NBEAL1: variants seen among roughly 807,000 people sequenced by gnomAD.
NBEAL1 encodes neurobeachin like 1, also known as neurobeachin-like protein 1.
In NBEAL1, 273 loss-of-function variants were observed where a neutral mutation model predicts 351.3. That is an observed-to-expected ratio of 0.78 (90% CI 0.70 to 0.86). The LOEUF is 0.86. Among genes scored for constraint, NBEAL1 ranks in the 40% least tolerant of loss-of-function variants. The pLI is 0.00. For synonymous variants in NBEAL1, 1,050 were observed against 1,086.4 expected (o/e 0.97, Z 0.66); for missense variants, 2,961 against 3,201.3 (o/e 0.92, Z 1.81).
Position 203,144,900 on chromosome 2 carries a change from A to G in NBEAL1, c.5149A>G (p.Lys1717Glu). 6.3e-7 allele frequency: 1 copy of G among 1,581,952 alleles called. No individual in the cohort carries two copies. The highest frequency in any genetic ancestry group is 1.2e-5 in the South Asian group (1 of 84,708). ...AAATGAATGGCAAGTTTACATTGAA[A>G]AATATGTAAGTTTTATCTTTTTTGA... ...NSNEWQVYIE[K>E]YIVPYMKQYE... The change falls in exon 32 of 56, where the codon AAA (lysine) becomes GAA (glutamate). Residue 1717 changes from lysine (K) to glutamate (E), a missense_variant. By Grantham distance (56) the Lys-to-Glu change is moderately conservative. Transcript: ENST00000683969.
chr2:203,141,366 ATTTTTTTTTT>A (rs71034219), intron 31 of NBEAL1, among the ~76,000 whole-genome samples: 13 of 9,108 alleles, frequency 1.4e-3, no homozygotes, highest in South Asian at 0.011. Context: ...TATTATTATT[ATTTTTTTTTT>A]TTTTTTTTTT....
chr2:203,114,747 T>G (rs1189813982), intron 17 of NBEAL1, among the ~76,000 whole-genome samples: 1 of 152,000 alleles, frequency 6.6e-6, no homozygotes, highest in Non-Finnish European at 1.5e-5. Context: ...TTTTCTTTGT[T>G]TTTTTTTGTT....
chr2:203,086,831 G>A (rs975473371), intron 10 of NBEAL1, among the ~76,000 whole-genome samples: 2 of 152,092 alleles, frequency 1.3e-5, no homozygotes, highest in African/African-American at 2.4e-5. Flanking sequence ...CACCGTGCCC[G>A]GCCTGCTTTT....
At chr2:203,203,377 G>A (rs1865316) in intron 51 of NBEAL1, among the ~76,000 whole-genome samples, 286 of 151,910 alleles carry the variant, frequency 1.9e-3, no homozygotes, top group Non-Finnish European at 3.2e-3. Flanking sequence ...GTTTCGCCAT[G>A]TTGGCCAGGC....
chr2:203,099,502 C>T (rs746797804), intron 11 of NBEAL1, 127 bp from the exon 12 acceptor site: 5 of 569,720 alleles, frequency 8.8e-6, no homozygotes, highest in Non-Finnish European at 1.5e-5. Context: ...AAATCCATTT[C>T]ATCAGAAGAG....
At chr2:203,183,198 A>G (rs138925067) in intron 43 of NBEAL1, 81 bp from the exon 44 acceptor site, 2 of 686,630 alleles carry the variant, frequency 2.9e-6, no homozygotes, top group African/African-American at 1.8e-5. Context: ...TTGCTTAGGA[A>G]TGTGCCCTCA....
chr2:203,086,091 A>G (rs1258711681), intron 10 of NBEAL1: 1 of 152,174 alleles, frequency 6.6e-6, no homozygotes, highest in Admixed American at 6.5e-5. Context: ...AGAAACCTTA[A>G]TATGTTTGTA....
intron 7 of NBEAL1, among the ~76,000 whole-genome samples, chr2:203,070,483 C>T (rs1174882375): frequency 6.6e-6 from 1 of 151,668 alleles, no homozygotes; most frequent in Non-Finnish European, 1.5e-5. Flanking sequence ...CTTGCCTCAG[C>T]CTCCTGAGTA....
intron 25 of NBEAL1, among the ~76,000 whole-genome samples, chr2:203,131,564 C>T (rs186083872): frequency 1.2e-4 from 18 of 152,182 alleles, no homozygotes; most frequent in Admixed American, 1.0e-3. Flanking sequence ...TAGGGAGTGC[C>T]TATTCTTTTA....
intron 10 of NBEAL1, among the ~76,000 whole-genome samples, chr2:203,096,212 C>T (rs1487696476): frequency 2.0e-5 from 3 of 152,220 alleles, no homozygotes; most frequent in Non-Finnish European, 4.4e-5. Context: ...TGAAATCAGA[C>T]AGCCAGTAAG....
chr2:203,205,027 ATAAGG>A (rs1230647113), intron 51 of NBEAL1, among the ~76,000 whole-genome samples: 1 of 152,158 alleles, frequency 6.6e-6, no homozygotes, highest in Non-Finnish European at 1.5e-5. Flanking sequence ...AGCTAATACA[ATAAGG>A]TAAGCAAAAT....
At chr2:203,201,231 G>A (rs2105812012) in intron 49 of NBEAL1, among the ~76,000 whole-genome samples, 1 of 152,210 alleles carries the variant, frequency 6.6e-6, no homozygotes, top group South Asian at 2.1e-4. Context: ...TAAACTTTAA[G>A]GCTGTCATTT....
At chr2:203,187,067 G>T (rs1470289637) in intron 44 of NBEAL1, among the ~76,000 whole-genome samples, 1 of 152,172 alleles carries the variant, frequency 6.6e-6, no homozygotes, top group African/African-American at 2.4e-5. Context: ...CATTTTGAGA[G>T]TCTTTGCCCT....
In NBEAL1 at chr2:203,211,026, A is replaced by G. The variant is rs769328644; in HGVS notation, c.7854A>G (p.Gln2618=). 5.6e-6 allele frequency: 9 copies of G among 1,607,038 alleles called. No individual in the cohort carries two copies. The Admixed American group carries it at 1.5e-4, about 27-fold the overall frequency. ...TAGGGTCTCAAATCCTGAAGGAACA[A>G]GTATCAGATATATGTATAATCGGAG... The part of the protein sequence containing the change: ...KYLGSQILKE[Q]VSDICIIGEH... Residue 2618 remains glutamine (Q), a synonymous_variant, in exon 54 of 56, where the codon CAA becomes CAG. Transcript: ENST00000683969.
intron 46 of NBEAL1, among the ~76,000 whole-genome samples, chr2:203,193,269 G>C (rs1575112493): frequency 6.6e-6 from 1 of 152,014 alleles, no homozygotes; most frequent in Non-Finnish European, 1.5e-5. Flanking sequence ...AGCACGCCCA[G>C]CCAGTGTTGA....
rs868818385 is a variant in NBEAL1, at chr2:203,222,454, T to C, written c.*5100T>C. On this transcript the variant is annotated 3_prime_UTR_variant, in exon 56 of 56. Coordinates refer to ENST00000683969, the MANE Select transcript of NBEAL1 (RefSeq NM_001378026.1). ...TCCAATATTCAGACTTATTTGAAAATAGGCTTAATCATTATCCTGAGGGAC... is the reference window on the plus strand; with the variant it reads ...TCCAATATTCAGACTTATTTGAAAACAGGCTTAATCATTATCCTGAGGGAC... Among the ~76,000 whole-genome samples, 3 of 152,216 alleles carry C rather than the reference T, an allele frequency of 2.0e-5. No homozygotes were observed. The highest frequency in any genetic ancestry group is 4.4e-5 in the Non-Finnish European group (3 of 68,028).
At chr2:203,213,878 A>G in intron 55 of NBEAL1, 1 of 683,024 alleles carries the variant, frequency 1.5e-6, no homozygotes, top group South Asian at 6.6e-5. Flanking sequence ...ACCACTCTAT[A>G]GGAATAAGAC....
In NBEAL1 at chr2:203,030,180, A is replaced by G. The variant is rs527637865; in HGVS notation, c.52-11585A>G. On this transcript the variant is annotated intron_variant, in intron 2 of 55. Coordinates refer to ENST00000683969, the MANE Select transcript of NBEAL1 (RefSeq NM_001378026.1). ...GGTAATAAGGTAGACTAGGTTGTTT[A>G]GACTTATCCTTCTGAAAATTACTAG... Among the ~76,000 whole-genome samples the G allele has an allele frequency of 2.0e-5, 3 of 152,366 alleles. No homozygotes were observed. The South Asian group carries it at 6.2e-4, about 32-fold the overall frequency.
At chr2:203,040,780 G>A in intron 2 of NBEAL1, 1 of 543,784 alleles carries the variant, frequency 1.8e-6, no homozygotes, top group Non-Finnish European at 3.5e-6. Flanking sequence ...GCAGTAGTGT[G>A]ATCTTGGCTC....
Sources: gnomAD v4.1 joint callset for allele counts (sites outside exome capture counted in the v4.1 genomes callset) on GRCh38, gnomAD v4.1.1 for gene constraint, MANE v1.5 for transcripts, NCBI Gene and HGNC (gene_info 2026-07-23, HGNC 2026-07-21) for gene names.